DMD: variants seen among roughly 807,000 people sequenced by gnomAD.
DMD encodes the protein dystrophin, also known as mutant dystrophin.
In DMD, 63 loss-of-function variants were observed where a neutral mutation model predicts 330.1. That is an observed-to-expected ratio of 0.19 (90% CI 0.16 to 0.24). The LOEUF (loss-of-function observed/expected upper bound fraction) is 0.24, where lower values mean the gene tolerates loss of function less well. Among genes scored for constraint, DMD ranks in the 10% least tolerant of loss-of-function variants. DMD has a pLI of 1.00. For synonymous variants in DMD, 1,223 were observed against 959.8 expected (o/e 1.27, Z -5.07); for missense variants, 3,344 against 2,684.1 (o/e 1.25, Z -5.43).
chrX:32,285,115 C>G (rs981994181), intron 43 of DMD, among the ~76,000 whole-genome samples: 2 of 112,269 alleles, frequency 1.8e-5, no homozygotes, highest in East Asian at 5.6e-4. Flanking sequence ...CCTCAAAAAG[C>G]AGAAAGCGTT....
chrX:32,806,493 A>G (rs901949254), intron 7 of DMD, among the ~76,000 whole-genome samples: 5 of 111,149 alleles, frequency 4.5e-5, no homozygotes, highest in Admixed American at 3.8e-4. Flanking sequence ...CCAAACAATA[A>G]TAGTGGGAGA....
intron 17 of DMD, among the ~76,000 whole-genome samples, chrX:32,536,287 A>AAAAAC (rs1556769787): frequency 3.8e-5 from 4 of 106,032 alleles, no homozygotes; most frequent in African/African-American, 1.1e-4. Flanking sequence ...AAAAAAAAAA[A>AAAAAC]ACACACAAAT....
chrX:32,551,110 C>A (rs1366310543), intron 16 of DMD, among the ~76,000 whole-genome samples: 4 of 110,670 alleles, frequency 3.6e-5, no homozygotes, highest in African/African-American at 1.3e-4. Flanking sequence ...AATTGAGGAG[C>A]GGCTCCTTCC....
At chrX:31,809,303 T>C (rs763453040) in intron 50 of DMD, among the ~76,000 whole-genome samples, 154 of 108,329 alleles carry the variant, frequency 1.4e-3, no homozygotes, top group African/African-American at 5.0e-3. Flanking sequence ...ATAAACTATA[T>C]ACAGTTATAT....
intron 60 of DMD, among the ~76,000 whole-genome samples, chrX:31,405,807 C>G (rs1420442097): frequency 1.8e-5 from 2 of 111,594 alleles, no homozygotes; most frequent in Non-Finnish European, 3.8e-5. Flanking sequence ...CAATCTATGA[C>G]AATTTTCTAA....
At position 31,121,871 on chromosome X, in the gene DMD, A is replaced by AG; in HGVS notation, c.*47dup. ...TCTTCATCTGTCATGACTGATACTA[A>AG]GGACTCCATCGCTCTGCCCAAATCA... On this transcript the variant is annotated 3_prime_UTR_variant, in exon 79 of 79. Transcript: ENST00000357033. The AG allele has an allele frequency of 8.3e-7, 1 of 1,208,225 alleles. No homozygotes were observed. Among genetic ancestry groups the AG allele is most frequent in the Non-Finnish European group, 1.1e-6 (1 of 892,155 alleles).
intron 11 of DMD, among the ~76,000 whole-genome samples, chrX:32,627,662 C>A (rs1300860305): frequency 9.1e-6 from 1 of 110,406 alleles, no homozygotes; most frequent in Non-Finnish European, 1.9e-5. Context: ...ATTGCCTGAA[C>A]TAAAATTAAC....
chrX:32,467,875 C>A (rs960004703), intron 23 of DMD, among the ~76,000 whole-genome samples: 1 of 109,741 alleles, frequency 9.1e-6, no homozygotes, highest in Non-Finnish European at 1.9e-5. Context: ...CTGCTAATTT[C>A]TTAGGAGTAT....
chrX:31,488,567 T>C (rs759393047), intron 57 of DMD, among the ~76,000 whole-genome samples: 4 of 112,090 alleles, frequency 3.6e-5, no homozygotes, highest in Admixed American at 9.4e-5. Context: ...ATTTTATTTG[T>C]TCAAGCCATT....
intron 44 of DMD, among the ~76,000 whole-genome samples, chrX:32,105,770 C>A (rs1051464645): frequency 9.0e-6 from 1 of 111,444 alleles, no homozygotes; most frequent in Non-Finnish European, 1.9e-5. Context: ...ATAAAAGGAT[C>A]GTGTACAACA....
intron 55 of DMD, among the ~76,000 whole-genome samples, chrX:31,558,557 T>C (rs1201169823): frequency 9.0e-6 from 1 of 110,654 alleles, no homozygotes; most frequent in Non-Finnish European, 1.9e-5. Context: ...TACTAACAAA[T>C]AGGTCACATA....
At chrX:32,613,893 C>A (rs1490991677) in intron 12 of DMD, among the ~76,000 whole-genome samples, 1 of 110,896 alleles carries the variant, frequency 9.0e-6, no homozygotes, top group Non-Finnish European at 1.9e-5. Context: ...TTTATTTTTT[C>A]ACAGTTCTCG....
intron 49 of DMD, among the ~76,000 whole-genome samples, chrX:31,830,388 A>T (rs770441215): frequency 5.7e-4 from 64 of 112,320 alleles, no homozygotes; most frequent in African/African-American, 2.0e-3. Context: ...TGAGGTCGGG[A>T]GTTCGAGACC....
chrX:31,994,621 G>A (rs961363627), intron 44 of DMD, among the ~76,000 whole-genome samples: 1 of 111,509 alleles, frequency 9.0e-6, no homozygotes, highest in African/African-American at 3.3e-5. Context: ...GCTGCTCCCC[G>A]AGAAATGGGA....
intron 59 of DMD, among the ~76,000 whole-genome samples, chrX:31,458,915 A>G (rs1301108471): frequency 9.0e-6 from 1 of 111,297 alleles, no homozygotes; most frequent in Non-Finnish European, 1.9e-5. Context: ...TTCCAAAGGT[A>G]ATATTTTATT....
At chrX:31,901,022 T>C (rs1241004965) in intron 47 of DMD, among the ~76,000 whole-genome samples, 1 of 111,827 alleles carries the variant, frequency 8.9e-6, no homozygotes, top group Non-Finnish European at 1.9e-5. Context: ...GACATTCTGG[T>C]ATATTCTCCC....
intron 62 of DMD, among the ~76,000 whole-genome samples, chrX:31,314,993 A>C (rs1479368879): frequency 9.0e-6 from 1 of 110,973 alleles, no homozygotes; most frequent in Non-Finnish European, 1.9e-5. Context: ...GAGGCAGTTC[A>C]GGGTTATTAA....
chrX:33,096,030 A>T (rs1430672343), intron 1 of DMD, among the ~76,000 whole-genome samples: 1 of 82,676 alleles, frequency 1.2e-5, no homozygotes, highest in Non-Finnish European at 2.1e-5. Flanking sequence ...GCTGGAGTGC[A>T]GTGGTGCGAT....
At chrX:31,446,428 T>C (rs2065271491) in intron 59 of DMD, among the ~76,000 whole-genome samples, 1 of 110,204 alleles carries the variant, frequency 9.1e-6, no homozygotes, top group Admixed American at 9.7e-5. Context: ...GTGAATTATA[T>C]ATTAATAAAA....
Sources: allele counts gnomAD v4.1 joint callset (sites outside exome capture counted in the v4.1 genomes callset), GRCh38; gene constraint gnomAD v4.1.1; transcripts MANE v1.5; gene names NCBI Gene and HGNC (gene_info 2026-07-23, HGNC 2026-07-21).